Variants in SRPK1 observed in about 807,000 individuals in gnomAD.
SRPK1 encodes SFRS protein kinase 1.
Under a neutral mutation model 89.5 loss-of-function variants are expected in SRPK1, and 52 were observed. That is an observed-to-expected ratio of 0.58 (90% CI 0.46 to 0.73). The LOEUF (loss-of-function observed/expected upper bound fraction) is 0.73, where lower values mean the gene tolerates loss of function less well. Ranked by LOEUF, SRPK1 falls within the 30% of genes least tolerant of loss-of-function variation. SRPK1 has a pLI of 0.00. For synonymous variants in SRPK1, 255 were observed against 270.2 expected (o/e 0.94, Z 0.55); for missense variants, 603 against 780.6 (o/e 0.77, Z 2.71).
At chr6:35,903,061 T>C (rs1581596254) in intron 2 of SRPK1, among the ~76,000 whole-genome samples, 2 of 151,704 alleles carry the variant, frequency 1.3e-5, no homozygotes, top group East Asian at 3.9e-4. Flanking sequence ...AGAGAATCAC[T>C]TGAGCCCAGG....
intron 2 of SRPK1, among the ~76,000 whole-genome samples, chr6:35,913,569 T>C (rs9470173): frequency 0.32 from 48,153 of 151,740 alleles, 7,869 homozygotes; most frequent in South Asian, 0.45. Flanking sequence ...GAGGCCAGGG[T>C]AGGTGATCAC....
chr6:35,890,006 G>C (rs774673414), intron 3 of SRPK1, among the ~76,000 whole-genome samples: 6 of 151,944 alleles, frequency 3.9e-5, no homozygotes, highest in Non-Finnish European at 8.8e-5. Flanking sequence ...TACTCGGGAG[G>C]CTGAGGCAGG....
chr6:35,888,641 T>C (rs1286353369), intron 4 of SRPK1, among the ~76,000 whole-genome samples, 174 bp downstream of exon 4: 1 of 152,224 alleles, frequency 6.6e-6, no homozygotes, highest in African/African-American at 2.4e-5. Flanking sequence ...TAATACTGAT[T>C]CTTCACGAAA....
At chr6:35,887,647 C>T (rs1048072236) in intron 5 of SRPK1, among the ~76,000 whole-genome samples, 1 of 151,934 alleles carries the variant, frequency 6.6e-6, no homozygotes, top group African/African-American at 2.4e-5. Context: ...TATTCTATAA[C>T]ATATTTGAAA....
intron 2 of SRPK1, among the ~76,000 whole-genome samples, chr6:35,917,299 C>G (rs1356455745): frequency 6.6e-6 from 1 of 152,164 alleles, no homozygotes; most frequent in Non-Finnish European, 1.5e-5. Flanking sequence ...TCTACCTTAC[C>G]TGTTGTAAGA....
intron 2 of SRPK1, among the ~76,000 whole-genome samples, chr6:35,917,182 T>C (rs1343317439): frequency 1.3e-5 from 2 of 152,140 alleles, no homozygotes; most frequent in Non-Finnish European, 2.9e-5. Flanking sequence ...CAGAGGGAGA[T>C]AGATGATTGT....
intron 13 of SRPK1, among the ~76,000 whole-genome samples, chr6:35,854,170 C>G (rs1172205051): frequency 6.6e-6 from 1 of 152,066 alleles, no homozygotes; most frequent in Non-Finnish European, 1.5e-5. Flanking sequence ...AGGCTAGTCT[C>G]GAACTCCTGG....
chr6:35,835,493 A>C lies in SRPK1; in HGVS notation c.1784-5T>G. ...TCGTGATATGTTTCAGGTCACCTGC[A>C]GTGAAGACAGTACAGAAAAAGCCAC... On this transcript the variant is annotated splice_region_variant and splice_polypyrimidine_tract_variant and intron_variant, in intron 15 of 15. Coordinates refer to ENST00000373825, the MANE Select transcript of SRPK1 (RefSeq NM_003137.5). 6.2e-7 allele frequency: 1 copy of C among 1,607,608 alleles called. No individual in the cohort carries two copies. The highest frequency in any genetic ancestry group is 8.5e-7 in the Non-Finnish European group (1 of 1,177,070).
At position 35,849,583 on chromosome 6, in the gene SRPK1, A is replaced by C. The variant is rs142431684; in HGVS notation, c.1621-6979T>G. ...TTCACAATAGCCAAGTTATGGAATC[A>C]ACCTAAGTTGATTTTAAAATCAATC... On this transcript the variant is annotated intron_variant, in intron 13 of 15. Transcript: ENST00000373825. 3.4e-3 allele frequency among the ~76,000 whole-genome samples: 512 copies of C among 152,334 alleles called. 1 individual carries two copies. The highest frequency in any genetic ancestry group is 0.012 in the African/African-American group (486 of 41,576).
At position 35,902,247 on chromosome 6, in the gene SRPK1, A is replaced by G. The variant is rs534566769; in HGVS notation, c.75-11234T>C. On this transcript the variant is annotated intron_variant, in intron 2 of 15. Transcript: ENST00000373825. ...TCCGTCTCTACAAAAAAAAAAAAAA[A>G]AAAAAGAAAAAAAAGATTAGCCAGT... is the stretch of plus-strand genomic sequence containing the variant. Among the ~76,000 whole-genome samples, 457 of 149,926 alleles carry G rather than the reference A, an allele frequency of 3.0e-3. 1 individual carries two copies. The highest frequency in any genetic ancestry group is 6.2e-3 in the African/African-American group (249 of 40,482).
chr6:35,901,502 G>C (rs1011661008), intron 2 of SRPK1, among the ~76,000 whole-genome samples: 1 of 152,208 alleles, frequency 6.6e-6, no homozygotes, highest in Non-Finnish European at 1.5e-5. Flanking sequence ...TCTAGCCTGT[G>C]AGATAATAAA....
intron 6 of SRPK1, among the ~76,000 whole-genome samples, chr6:35,880,746 A>AGAAAGAAAG (rs765099755): frequency 0.091 from 8,012 of 87,782 alleles, 990 homozygotes; most frequent in Non-Finnish European, 0.13. Flanking sequence ...AAAAAAAAAA[A>AGAAAGAAAG]AAAAGAAAAG....
At chr6:35,838,673 G>C in intron 14 of SRPK1, 2 of 1,506,878 alleles carry the variant, frequency 1.3e-6, no homozygotes, top group Non-Finnish European at 1.8e-6. Context: ...TCTGCTTCCT[G>C]AAGTATCCCT....
intron 13 of SRPK1, among the ~76,000 whole-genome samples, chr6:35,855,891 C>T (rs999015379): frequency 3.3e-5 from 5 of 152,178 alleles, no homozygotes; most frequent in African/African-American, 1.2e-4. Context: ...TGCACCACCA[C>T]GTCTGGCTAA....
intron 3 of SRPK1, among the ~76,000 whole-genome samples, chr6:35,889,826 C>T (rs1373116375): frequency 4.2e-5 from 6 of 143,770 alleles, no homozygotes; most frequent in African/African-American, 1.3e-4. Context: ...CGGCAAGGCG[C>T]GGTGGCTCAC....
chr6:35,904,802 T>C (rs1026961232), intron 2 of SRPK1: 5 of 199,546 alleles, frequency 2.5e-5, no homozygotes, highest in South Asian at 6.7e-5. Context: ...TGAAACTCTG[T>C]CACAAAAAAA....
intron 6 of SRPK1, among the ~76,000 whole-genome samples, chr6:35,877,842 CAAA>C (rs61242263): frequency 4.7e-5 from 6 of 126,540 alleles, no homozygotes; most frequent in Non-Finnish European, 5.1e-5. Context: ...GACTCCGTCT[CAAA>C]AAAAAAAAAA....
intron 2 of SRPK1, among the ~76,000 whole-genome samples, chr6:35,903,948 C>T (rs780861537): frequency 2.6e-5 from 4 of 151,826 alleles, no homozygotes; most frequent in Non-Finnish European, 5.9e-5. Context: ...GAACTATTAG[C>T]GTGCATCACA....
chr6:35,869,981 A>G, intron 10 of SRPK1, 80 bp from the exon 11 acceptor site: 1 of 1,428,942 alleles, frequency 7.0e-7, no homozygotes, highest in Non-Finnish European at 9.4e-7. Flanking sequence ...CAAGATTAAA[A>G]CATTTTCTAG....
Sources: allele counts gnomAD v4.1 joint callset (sites outside exome capture counted in the v4.1 genomes callset), GRCh38; gene constraint gnomAD v4.1.1; transcripts MANE v1.5; gene names NCBI Gene and HGNC (gene_info 2026-07-23, HGNC 2026-07-21).